TAF4: variants seen among roughly 807,000 people sequenced by gnomAD.
The protein encoded by TAF4 is transcription initiation factor TFIID subunit 4.
A neutral mutation model predicts 90.3 loss-of-function variants in TAF4; 9 were observed. The ratio of observed to expected loss-of-function variants is 0.10; its 90% CI spans 0.06 to 0.17. TAF4 has a LOEUF of 0.17. TAF4 is among the 10% of genes least tolerant of loss of function. The pLI, the probability that TAF4 is intolerant of heterozygous loss-of-function variation, is 1.00. For missense variants in TAF4, 1,351 were observed against 1,370.7 expected, an observed-to-expected ratio of 0.99 and a Z score of 0.23; for synonymous variants, 818 against 638.9, an observed-to-expected ratio of 1.28 and a Z score of -4.23.
At chr20:62,029,152 C>T (rs1026387550) in intron 1 of TAF4, among the ~76,000 whole-genome samples, 21 of 149,874 alleles carry the variant, frequency 1.4e-4, no homozygotes, top group Non-Finnish European at 3.1e-4. Context: ...CCCAAGATCG[C>T]GCCACTGCAC....
At chr20:62,033,062 A>C (rs1235009411) in intron 1 of TAF4, among the ~76,000 whole-genome samples, 5 of 152,138 alleles carry the variant, frequency 3.3e-5, no homozygotes, top group Non-Finnish European at 7.4e-5. Context: ...GAGAGGCAGG[A>C]GGGCAAAGAA....
chr20:62,044,353 T>C (rs981503604), intron 1 of TAF4, among the ~76,000 whole-genome samples: 1 of 152,222 alleles, frequency 6.6e-6, no homozygotes, highest in Non-Finnish European at 1.5e-5. Context: ...AAAGAATATA[T>C]GTGTGTATGC....
intron 14 of TAF4, among the ~76,000 whole-genome samples, chr20:61,982,595 AGAGGAGACACCAAACCCACACCCACCCG>A: frequency 8.0e-6 from 1 of 124,266 alleles, no homozygotes; most frequent in African/African-American, 3.1e-5. Flanking sequence ...ACCCCACCCG[AGAGGAGACACCAAACCCACACCCACCCG>A]AGAGGAGACA....
At chr20:62,043,538 G>A (rs1055554593) in intron 1 of TAF4, among the ~76,000 whole-genome samples, 4 of 152,288 alleles carry the variant, frequency 2.6e-5, no homozygotes, top group African/African-American at 7.2e-5. Context: ...GCACAGTCAT[G>A]TCCCAGGCCT....
intron 13 of TAF4, 57 bp from the exon 14 acceptor site, chr20:61,997,726 A>C (rs1033572685): frequency 3.9e-6 from 6 of 1,554,454 alleles, no homozygotes; most frequent in Non-Finnish European, 5.2e-6. Flanking sequence ...TTTACTTACT[A>C]CAAAAGTAAT....
intron 1 of TAF4, among the ~76,000 whole-genome samples, chr20:62,060,245 G>A (rs2056082292): frequency 6.6e-6 from 1 of 152,246 alleles, no homozygotes; most frequent in Non-Finnish European, 1.5e-5. Flanking sequence ...ACAGAAGCAA[G>A]CGGGACACCC....
intron 1 of TAF4, among the ~76,000 whole-genome samples, chr20:62,052,297 C>T (rs1012295166): frequency 6.6e-6 from 1 of 152,058 alleles, no homozygotes; most frequent in African/African-American, 2.4e-5. Context: ...ATGGGGCGCA[C>T]TTTGTTTCCG....
chr20:61,986,642 T>C (rs1555873688), intron 14 of TAF4, among the ~76,000 whole-genome samples: 1 of 152,206 alleles, frequency 6.6e-6, no homozygotes, highest in Non-Finnish European at 1.5e-5. Context: ...CAAATCCTCT[T>C]GTCGTGTCAC....
rs41284982 is a variant in TAF4, at chr20:62,003,719, C to T, written c.2371+12G>A. 33 of 1,574,416 alleles carry T rather than the reference C, an allele frequency of 2.1e-5. No individual in the cohort carries two copies. Among genetic ancestry groups the T allele is most frequent in the Non-Finnish European group, 2.6e-5 (30 of 1,165,668 alleles). ...TTGGTGTTGAGCGGCCAGGGGCCCG[C>T]GAGGCCCTCACCTGGCTGCAGTGGG... On this transcript the variant is annotated intron_variant, in intron 8 of 14. Coordinates refer to ENST00000252996, the MANE Select transcript of TAF4 (RefSeq NM_003185.4).
intron 1 of TAF4, among the ~76,000 whole-genome samples, chr20:62,027,303 T>C (rs1247263909): frequency 1.3e-5 from 2 of 152,210 alleles, no homozygotes; most frequent in Non-Finnish European, 2.9e-5. Flanking sequence ...GCACTGTGAC[T>C]GATGGGACTT....
chr20:62,016,036 G>C lies in TAF4; in HGVS notation c.1361-1329C>G, dbSNP rs189007664. On this transcript the variant is annotated intron_variant, in intron 1 of 14. Coordinates refer to ENST00000252996, the MANE Select transcript of TAF4 (RefSeq NM_003185.4). ...GCTGGAATCTCCAAGCCTGGAGCTC[G>C]GGAACGAAGTAACAGGAAAGGCCTC... Among the ~76,000 whole-genome samples the C allele has an allele frequency of 7.9e-5, 12 of 152,144 alleles. No individual in the cohort carries two copies. In the East Asian group the frequency reaches 1.9e-3, roughly 25 times the overall value.
rs2056128452 is a variant in TAF4, at chr20:62,065,837, C to CGCCGCT, written c.-33_-28dup. On this transcript the variant is annotated 5_prime_UTR_variant, in exon 1 of 15. Transcript: ENST00000252996. Reference sequence around the variant, plus strand: ...TTTTTTCCTCGGCCGCCGCCGCCGCCGCCGCTCGGGCCGAGCGCGCCTGGG... The same window carrying CGCCGCT: ...TTTTTTCCTCGGCCGCCGCCGCCGCCGCCGCTGCCGCTCGGGCCGAGCGCGCCTGGG... The CGCCGCT allele has an allele frequency of 4.0e-6, 5 of 1,255,002 alleles. No individual in the cohort carries two copies. The highest frequency in any genetic ancestry group is 1.6e-5 in the African/African-American group (1 of 61,696). The allele number at this position is 1,255,002 out of a possible 1,614,324, so 77.7% of individuals were successfully genotyped here. A position where few individuals can be genotyped will look rare whatever the true frequency, so the allele number is the denominator to read the frequency against.
chr20:62,006,997 G>A lies in TAF4; in HGVS notation c.1975-239C>T, dbSNP rs2055750330. ...GTGTTCAAGAAAACAAACAAAAAGA[G>A]ACATATTTTTAAAAAACTTTTTAAA... On this transcript the variant is annotated intron_variant, in intron 6 of 14. Transcript: ENST00000252996. The surrounding 1 kb of genome is among the most constrained non-coding windows in gnomAD (Gnocchi z 7.0). 3 of 444,272 alleles carry A rather than the reference G, an allele frequency of 6.8e-6. No individual in the cohort carries two copies. The highest frequency in any genetic ancestry group is 4.4e-5 in the Admixed American group (1 of 22,924). 27.5% of individuals were successfully genotyped at this position (444,272 alleles called of 1,614,324 possible).
intron 1 of TAF4, among the ~76,000 whole-genome samples, chr20:62,024,700 C>A (rs1202990460): frequency 6.6e-6 from 1 of 152,144 alleles, no homozygotes; most frequent in African/African-American, 2.4e-5. Flanking sequence ...GAAACCCCAT[C>A]TCTACTAAAA....
chr20:62,044,642 G>A (rs573941393), intron 1 of TAF4, among the ~76,000 whole-genome samples: 2 of 152,218 alleles, frequency 1.3e-5, no homozygotes, highest in Admixed American at 6.5e-5. Flanking sequence ...TTAAGTATAG[G>A]GTAGCAGAAG....
chr20:62,022,390 C>T (rs2055848686), intron 1 of TAF4, among the ~76,000 whole-genome samples: 1 of 152,158 alleles, frequency 6.6e-6, no homozygotes, highest in Non-Finnish European at 1.5e-5. Flanking sequence ...GCATGGTCCT[C>T]AAGGAATAAG....
intron 1 of TAF4, among the ~76,000 whole-genome samples, chr20:62,024,649 A>G (rs1325840266): frequency 6.6e-6 from 1 of 152,160 alleles, no homozygotes; most frequent in Non-Finnish European, 1.5e-5. Flanking sequence ...AGGACAGATC[A>G]CTTGAGGTCA....
chr20:62,056,793 T>C (rs2056066902), intron 1 of TAF4, among the ~76,000 whole-genome samples: 1 of 151,894 alleles, frequency 6.6e-6, no homozygotes, highest in Non-Finnish European at 1.5e-5. Context: ...TTCCCAAACT[T>C]CCTATAATGA....
At chr20:62,052,979 C>T (rs926772470) in intron 1 of TAF4, among the ~76,000 whole-genome samples, 2 of 151,786 alleles carry the variant, frequency 1.3e-5, no homozygotes, top group South Asian at 4.2e-4. Flanking sequence ...CCTTCCGCCA[C>T]CCCCCACAAC....
Sources: allele counts gnomAD v4.1 joint callset (sites outside exome capture counted in the v4.1 genomes callset), GRCh38; gene constraint gnomAD v4.1.1; non-coding constraint Gnocchi (gnomAD v3.1); transcripts MANE v1.5; gene names NCBI Gene and HGNC (gene_info 2026-07-23, HGNC 2026-07-21).